The following ZCCHC7 variants were observed in gnomAD, a reference collection of about 807,000 sequenced individuals.
ZCCHC7 encodes the protein zinc finger CCHC-type containing 7, also known as zinc finger CCHC domain-containing protein 7.
A neutral mutation model predicts 52.0 loss-of-function variants in ZCCHC7; 35 were observed. The observed-to-expected ratio is 0.67, with a 90% CI of 0.51 to 0.89. ZCCHC7 has a LOEUF of 0.89. Ranked by LOEUF, ZCCHC7 falls within the 40% of genes least tolerant of loss-of-function variation. The pLI is 0.00. For missense variants in ZCCHC7, 574 were observed against 649.1 expected (o/e 0.88, Z 1.26); for synonymous variants, 217 against 221.5 (o/e 0.98, Z 0.18).
intron 2 of ZCCHC7, among the ~76,000 whole-genome samples, chr9:37,214,396 G>A (rs1184169746): frequency 6.6e-6 from 1 of 152,054 alleles, no homozygotes; most frequent in Non-Finnish European, 1.5e-5. Context: ...GCTGTGCATT[G>A]AAGCTATTAT....
chr9:37,129,314 T>A (rs781595570), intron 2 of ZCCHC7, among the ~76,000 whole-genome samples: 3 of 152,262 alleles, frequency 2.0e-5, no homozygotes, highest in Non-Finnish European at 4.4e-5. Flanking sequence ...ACCTTGGATT[T>A]GTTTTCTGTT....
intron 2 of ZCCHC7, among the ~76,000 whole-genome samples, chr9:37,295,669 T>C (rs2133659645): frequency 6.6e-6 from 1 of 152,280 alleles, no homozygotes; most frequent in African/African-American, 2.4e-5. Flanking sequence ...GTGCAAGTCA[T>C]TGAGATAGAA....
chr9:37,322,207 T>C (rs765324420), intron 5 of ZCCHC7: 1 of 152,256 alleles, frequency 6.6e-6, no homozygotes, highest in East Asian at 1.9e-4. Context: ...CCCAGAATTA[T>C]AGGGATCTAC....
chr9:37,168,993 C>G (rs918353392), intron 2 of ZCCHC7, among the ~76,000 whole-genome samples: 2 of 152,092 alleles, frequency 1.3e-5, no homozygotes, highest in Non-Finnish European at 2.9e-5. Flanking sequence ...TCCTACATCC[C>G]GAGACATTCT....
chr9:37,308,870 A>G (rs1694914921), intron 5 of ZCCHC7, among the ~76,000 whole-genome samples: 1 of 151,844 alleles, frequency 6.6e-6, no homozygotes, highest in African/African-American at 2.4e-5. Flanking sequence ...AGTCCCAGCT[A>G]CTCAGGAGGC....
intron 2 of ZCCHC7, chr9:37,205,191 A>G (rs747775419): frequency 1.8e-5 from 7 of 381,476 alleles, no homozygotes; most frequent in Admixed American, 2.7e-5. Context: ...GTTTACAACA[A>G]TGCCAACAGC....
At chr9:37,122,938 A>AG (rs2132664296) in intron 1 of ZCCHC7, among the ~76,000 whole-genome samples, 1 of 152,372 alleles carries the variant, frequency 6.6e-6, no homozygotes, top group African/African-American at 2.4e-5. Context: ...CTCCGTCTCA[A>AG]GGGGGAAAAA....
intron 2 of ZCCHC7, among the ~76,000 whole-genome samples, chr9:37,293,265 C>G (rs2133641821): frequency 6.6e-6 from 1 of 152,076 alleles, no homozygotes; most frequent in Non-Finnish European, 1.5e-5. Flanking sequence ...AGGAAAAAAG[C>G]AAATTGTTCT....
At chr9:37,299,088 C>T (rs1197213225) in intron 2 of ZCCHC7, among the ~76,000 whole-genome samples, 1 of 152,116 alleles carries the variant, frequency 6.6e-6, no homozygotes, top group Non-Finnish European at 1.5e-5. Flanking sequence ...AATCACAATC[C>T]CAGTTATCAG....
At chr9:37,304,046 C>T in intron 3 of ZCCHC7, 142 bp from the exon 4 acceptor site, 3 of 737,094 alleles carry the variant, frequency 4.1e-6, no homozygotes, top group Non-Finnish European at 6.5e-6. Context: ...ACTAATAATT[C>T]TCTTGCTTTA....
At chr9:37,216,259 G>A (rs940770771) in intron 2 of ZCCHC7, among the ~76,000 whole-genome samples, 3 of 152,148 alleles carry the variant, frequency 2.0e-5, no homozygotes, top group African/African-American at 7.2e-5. Context: ...ACAGAAAAAT[G>A]TTTGTGAGCA....
chr9:37,158,017 A>G (rs1273714180), intron 2 of ZCCHC7, among the ~76,000 whole-genome samples: 1 of 152,242 alleles, frequency 6.6e-6, no homozygotes, highest in Non-Finnish European at 1.5e-5. Context: ...TATATACAGA[A>G]TATACTTGGT....
chr9:37,295,073 T>A (rs1046647821), intron 2 of ZCCHC7, among the ~76,000 whole-genome samples: 17 of 152,214 alleles, frequency 1.1e-4, no homozygotes, highest in African/African-American at 4.1e-4. Flanking sequence ...AATTACACAG[T>A]TAAGTCCAGA....
chr9:37,161,448 T>C (rs1821099380), intron 2 of ZCCHC7, among the ~76,000 whole-genome samples: 1 of 151,678 alleles, frequency 6.6e-6, no homozygotes, highest in South Asian at 2.1e-4. Context: ...GGTGGCAGCC[T>C]CCTGTAGTCC....
At chr9:37,145,172 G>C (rs1843384521) in intron 2 of ZCCHC7, among the ~76,000 whole-genome samples, 2 of 151,932 alleles carry the variant, frequency 1.3e-5, no homozygotes, top group Non-Finnish European at 1.5e-5. Flanking sequence ...TGGGCTAAAG[G>C]GAAGTTTTAA....
chr9:37,125,918 G>A (rs558969346), intron 1 of ZCCHC7, among the ~76,000 whole-genome samples: 30 of 152,150 alleles, frequency 2.0e-4, no homozygotes, highest in Non-Finnish European at 3.8e-4. Flanking sequence ...ATTTGGCACC[G>A]TTACATGCTG....
intron 5 of ZCCHC7, among the ~76,000 whole-genome samples, chr9:37,307,808 C>G (rs773004784): frequency 6.6e-6 from 1 of 152,030 alleles, no homozygotes; most frequent in African/African-American, 2.4e-5. Context: ...TATTGTAATT[C>G]CACCAGCAAA....
intron 6 of ZCCHC7, 48 bp downstream of exon 6, chr9:37,327,882 C>T (rs1830314401): frequency 1.3e-6 from 2 of 1,593,770 alleles, no homozygotes; most frequent in African/African-American, 2.7e-5. Flanking sequence ...AGCCTATTTA[C>T]CCTTCTCTGA....
intron 2 of ZCCHC7, among the ~76,000 whole-genome samples, chr9:37,265,263 G>T (rs937774794): frequency 6.6e-6 from 1 of 152,076 alleles, no homozygotes; most frequent in Non-Finnish European, 1.5e-5. Flanking sequence ...GTAAGTAGAC[G>T]TTCCAGTTTA....
Sources: allele counts gnomAD v4.1 joint callset (sites outside exome capture counted in the v4.1 genomes callset), GRCh38; gene constraint gnomAD v4.1.1; transcripts MANE v1.5; gene names NCBI Gene and HGNC (gene_info 2026-07-23, HGNC 2026-07-21).